The following CUX1 variants were observed in gnomAD, a reference collection of about 807,000 sequenced individuals.
CUX1 encodes protein CASP.
Under a neutral mutation model 158.8 loss-of-function variants are expected in CUX1, and 31 were observed. The ratio of observed to expected loss-of-function variants is 0.20; its 90% CI spans 0.15 to 0.26. The LOEUF (loss-of-function observed/expected upper bound fraction) is 0.26. CUX1 is among the 10% of genes least tolerant of loss of function. The pLI, the probability that CUX1 is intolerant of heterozygous loss-of-function variation, is 1.00. For missense variants in CUX1, 1,589 were observed against 2,014.6 expected (o/e 0.79, Z 4.04); for synonymous variants, 879 against 862.1 (o/e 1.02, Z -0.34).
rs1554548861 is a variant in CUX1, at chr7:102,280,151, GA to G, written c.1764+32del. The G allele has an allele frequency of 1.3e-5, 19 of 1,494,096 alleles. 1 individual carries two copies. In the Middle Eastern group the frequency reaches 3.4e-3, roughly 267 times the overall value. 92.6% of individuals were successfully genotyped at this position (1,494,096 alleles called of 1,614,324 possible). ...TGAGCCCAGCCTGGGCAGGGGAGGG[GA>G]GGGGCATCAGCCCAGGGAAGCCCAG... On this transcript the variant is annotated intron_variant, in intron 19 of 22. Transcript: ENST00000292538.
intron 8 of CUX1, among the ~76,000 whole-genome samples, chr7:102,124,881 A>G (rs1554494650): frequency 2.6e-5 from 4 of 151,500 alleles, no homozygotes. Flanking sequence ...TCCTGGGTTC[A>G]AGCAATTTTT....
Position 102,257,865 on chromosome 7 carries a change from CCAAAAAA to C in CUX1, c.*8824_*8830del. ...CCAATCCTCACAGAGACCCAATTGA[CCAAAAAA>C]GAAAAAAGGAAAAAAAAAAAGTCGT... On this transcript the variant is annotated 3_prime_UTR_variant, in exon 24 of 24. Coordinates refer to ENST00000292535, the MANE Select transcript of CUX1 (RefSeq NM_181552.4). 1 of 980,910 alleles carries C rather than the reference CCAAAAAA, an allele frequency of 1.0e-6. No individual in the cohort carries two copies. Among genetic ancestry groups the C allele is most frequent in the Non-Finnish European group, 1.2e-6 (1 of 828,956 alleles). 60.8% of individuals were successfully genotyped at this position (980,910 alleles called of 1,614,324 possible). A position where few individuals can be genotyped will look rare whatever the true frequency, so the allele number is the denominator to read the frequency against.
intron 2 of CUX1, among the ~76,000 whole-genome samples, chr7:101,964,779 C>A (rs976278517): frequency 6.6e-6 from 1 of 152,194 alleles, no homozygotes; most frequent in Non-Finnish European, 1.5e-5. Context: ...TGTCTGTCCA[C>A]CCTGCCTGGC....
intron 2 of CUX1, among the ~76,000 whole-genome samples, chr7:101,985,220 C>G (rs1256206279): frequency 6.6e-6 from 1 of 152,120 alleles, no homozygotes; most frequent in Non-Finnish European, 1.5e-5. Context: ...ACGCTATAGT[C>G]TTGGCTTTCA....
At chr7:102,051,135 T>G (rs1011743925) in intron 3 of CUX1, among the ~76,000 whole-genome samples, 1 of 152,038 alleles carries the variant, frequency 6.6e-6, no homozygotes, top group African/African-American at 2.4e-5. Flanking sequence ...CCCAGTCACC[T>G]CCTCTGCTCC....
chr7:101,850,914 C>T (rs1247161680), intron 1 of CUX1, among the ~76,000 whole-genome samples: 1 of 152,116 alleles, frequency 6.6e-6, no homozygotes, highest in African/African-American at 2.4e-5. Flanking sequence ...GCCTCGGCAA[C>T]ATTGCAAAAC....
At chr7:101,838,803 C>CA (rs574880206) in intron 1 of CUX1, among the ~76,000 whole-genome samples, 15,722 of 144,808 alleles carry the variant, frequency 0.11, 886 homozygotes, top group Non-Finnish European at 0.14. Flanking sequence ...AACGCTGTCT[C>CA]AAAAAAAAAA....
rs11266929 is a variant in CUX1, at chr7:102,133,467, CTTTT to C, written c.674+18217_674+18220del. Among the ~76,000 whole-genome samples the C allele has an allele frequency of 7.7e-5, 7 of 90,582 alleles. No individual in the cohort carries two copies. In the South Asian group the frequency reaches 2.0e-3, roughly 26 times the overall value. The allele number at this position is 90,582 out of a possible 152,430, so 59.4% of individuals were successfully genotyped here. On this transcript the variant is annotated intron_variant, in intron 8 of 23. Coordinates refer to ENST00000292535, the MANE Select transcript of CUX1 (RefSeq NM_181552.4). Reference sequence around the variant, plus strand: ...GAATTGGACCCAGAAAAAAATACATCTTTTTTTTTTTTTTTTTTTTTTTTTTGAG... The same window carrying C: ...GAATTGGACCCAGAAAAAAATACATCTTTTTTTTTTTTTTTTTTTTTTGAG...
intron 9 of CUX1, among the ~76,000 whole-genome samples, chr7:102,163,043 C>T (rs1166309214): frequency 1.3e-5 from 2 of 152,124 alleles, no homozygotes; most frequent in Admixed American, 1.3e-4. Context: ...CGTGAAGCTA[C>T]AGGTGAACCC....
chr7:101,995,495 G>A (rs1815731798), intron 2 of CUX1, among the ~76,000 whole-genome samples: 1 of 152,224 alleles, frequency 6.6e-6, no homozygotes, highest in South Asian at 2.1e-4. Context: ...TCAAATGTCT[G>A]CAAGGCAAGG....
chr7:102,267,734 G>A (rs62486283), intron 14 of CUX1, among the ~76,000 whole-genome samples: 8,546 of 152,152 alleles, frequency 0.056, 341 homozygotes, highest in Non-Finnish European at 0.078. Flanking sequence ...TGGTGCAATC[G>A]TAGCTCTCTG....
upstream of CUX1, chr7:101,817,396 C>T: frequency 8.1e-6 from 8 of 984,638 alleles, no homozygotes; most frequent in Non-Finnish European, 9.6e-6. This position sits in a 1 kb window ranked among gnomAD's most constrained non-coding sequence, Gnocchi z 4.1. Context: ...TTCTCGAAAG[C>T]AGAGCCCCGG....
chr7:101,896,357 G>A (rs996689995), intron 1 of CUX1, among the ~76,000 whole-genome samples: 1 of 152,192 alleles, frequency 6.6e-6, no homozygotes. Flanking sequence ...CACAGTAAGC[G>A]TCGAATCGGT....
At chr7:101,984,144 A>C (rs1402695400) in intron 2 of CUX1, among the ~76,000 whole-genome samples, 1 of 88,450 alleles carries the variant, frequency 1.1e-5, no homozygotes, top group South Asian at 3.4e-4. Context: ...ACACACATAT[A>C]TATATGTGTG....
rs1336293329 is a variant in CUX1 at position 101,984,115 on chromosome 7, T to A, written c.142-43983T>A. Among the ~76,000 whole-genome samples, 73 of 47,410 alleles carry A rather than the reference T, an allele frequency of 1.5e-3. 6 individuals are homozygous for A. Among genetic ancestry groups the A allele is most frequent in the Non-Finnish European group, 3.2e-3 (64 of 20,202 alleles). 31.1% of individuals were successfully genotyped at this position (47,410 alleles called of 152,430 possible). On this transcript the variant is annotated intron_variant, in intron 2 of 23. Transcript: ENST00000292535. ...ATATATATATATATATATATATATATATATATATATATATACACACACACA... is the reference window on the plus strand; with the variant it reads ...ATATATATATATATATATATATATAAATATATATATATATACACACACACA...
chr7:102,070,952 C>T (rs405779), intron 4 of CUX1, among the ~76,000 whole-genome samples: 79,446 of 150,156 alleles, frequency 0.53, 23,129 homozygotes, highest in East Asian at 0.97. Context: ...TTTTTTTTTT[C>T]TAATTTTATT....
In CUX1 at chr7:102,178,469, G is replaced by A; in HGVS notation, c.829G>A (p.Glu277Lys). ...TTGTCATCTCTTTTCTCCTCCCCAG[G>A]AGCAGGCCATAGAGGTGCTGACCCG... ...ASQIQKAPDV[E>K]QAIEVLTRSS... The change falls in exon 11 of 24, where the codon GAG becomes AAG. Residue 277 changes from glutamate to lysine, a missense_variant and splice_region_variant. This residue lies in a region of CUX1 where 515 missense variants were observed against 574.4 expected (regional missense o/e 0.90). Transcript: ENST00000292535. 6.3e-7 allele frequency: 1 copy of A among 1,591,638 alleles called. No individual in the cohort carries two copies. Among genetic ancestry groups the A allele is most frequent in the Non-Finnish European group, 8.6e-7 (1 of 1,162,684 alleles).
At chr7:102,208,609 G>A (rs1554522328) in intron 20 of CUX1, among the ~76,000 whole-genome samples, 1 of 152,174 alleles carries the variant, frequency 6.6e-6, no homozygotes, top group Non-Finnish European at 1.5e-5. Context: ...CTTGGGATTA[G>A]TGACATGAGA....
chr7:101,987,625 C>G (rs1009273681), intron 2 of CUX1, among the ~76,000 whole-genome samples: 1 of 152,242 alleles, frequency 6.6e-6, no homozygotes, highest in Non-Finnish European at 1.5e-5. Context: ...TCTCCATCTT[C>G]TGTCTTCCAC....
Sources: allele counts gnomAD v4.1 joint callset (sites outside exome capture counted in the v4.1 genomes callset), GRCh38; gene constraint gnomAD v4.1.1; regional missense constraint gnomAD v4.1.1; non-coding constraint Gnocchi (gnomAD v3.1); transcripts MANE v1.5; gene names NCBI Gene and HGNC (gene_info 2026-07-23, HGNC 2026-07-21).